The following SCRN3 variants were observed in gnomAD, a reference collection of about 807,000 sequenced individuals.
SCRN3 encodes secernin-3.
A neutral mutation model predicts 43.1 loss-of-function variants in SCRN3; 39 were observed. The observed-to-expected ratio is 0.91, with a 90% confidence interval of 0.70 to 1.18. The LOEUF (loss-of-function observed/expected upper bound fraction) is 1.18, where lower values mean the gene tolerates loss of function less well. Ranked by LOEUF, SCRN3 falls within the 50% of genes most tolerant of loss-of-function variation. The pLI, the probability that SCRN3 is intolerant of heterozygous loss-of-function variation, is 0.00. For synonymous variants in SCRN3, 147 were observed against 163.1 expected (o/e 0.90, Z 0.75); for missense variants, 484 against 498.0 (o/e 0.97, Z 0.27).
Position 174,428,738 on chromosome 2 carries a change from C to T in SCRN3, c.*843C>T, listed in dbSNP as rs573783387. 2 of 152,236 alleles carry T rather than the reference C, an allele frequency of 1.3e-5. No homozygotes were observed. Among genetic ancestry groups the T allele is most frequent in the East Asian group, 3.8e-4 (2 of 5,196 alleles). The allele number at this position is 152,236 out of a possible 1,614,324, so 9.4% of individuals were successfully genotyped here. On this transcript the variant is annotated 3_prime_UTR_variant, in exon 8 of 8. Coordinates refer to ENST00000272732, the MANE Select transcript of SCRN3 (RefSeq NM_024583.5). ...TATGAACATTATAACATTTTGAACA[C>T]TATAATGCATTATATATTATGAACT...
chr2:174,404,156 G>A lies in SCRN3; in HGVS notation c.595G>A (p.Glu199Lys). The part of the protein sequence containing the change: ...QLSITTKIAR[E>K]HPDMRNYAKR... ...TTCCATAACAACCAAGATTGCCCGG[G>A]AACACCCAGACATGAGAAACTATGC... Residue 199 changes from glutamate to lysine, a missense_variant, in exon 5 of 8, where the codon GAA (glutamate) becomes AAA (lysine). Transcript: ENST00000272732. 1 of 1,613,754 alleles carries A rather than the reference G, an allele frequency of 6.2e-7. No individual in the cohort carries two copies. Among genetic ancestry groups the A allele is most frequent in the South Asian group, 1.1e-5 (1 of 91,056 alleles).
intron 5 of SCRN3, among the ~76,000 whole-genome samples, chr2:174,417,230 G>A (rs1686143403): frequency 6.6e-6 from 1 of 151,876 alleles, no homozygotes. Flanking sequence ...CATGGCACAC[G>A]TTTACCCATG....
Position 174,400,102 on chromosome 2 carries a change from A to C in SCRN3, c.340A>C (p.Arg114=). ...AGCACTATTAGGAATGGACCTTGTCAGGTTATTTTTTGTTACATTTTATAC... is the reference window on the plus strand; with the variant it reads ...AGCACTATTAGGAATGGACCTTGTCCGGTTATTTTTTGTTACATTTTATAC... ...EEALLGMDLV[R]LGLERADTAE... is the part of the protein sequence containing the mutation. The change falls in exon 3 of 8, where the codon AGA becomes CGA. Residue 114 remains arginine (R), a splice_region_variant and synonymous_variant. Transcript: ENST00000272732. 1 of 1,556,298 alleles carries C rather than the reference A, an allele frequency of 6.4e-7. No individual in the cohort carries two copies. The highest frequency in any genetic ancestry group is 8.6e-7 in the Non-Finnish European group (1 of 1,158,254).
chr2:174,413,586 C>CTTTTTTTTTTTTTTT (rs10524979), intron 5 of SCRN3, among the ~76,000 whole-genome samples: 1 of 90,226 alleles, frequency 1.1e-5, no homozygotes, highest in Non-Finnish European at 2.2e-5. Context: ...TTTGTCTTTC[C>CTTTTTTTTTTTTTTT]TTTTTTTTTT....
intron 5 of SCRN3, among the ~76,000 whole-genome samples, chr2:174,416,613 C>T (rs1686119675): frequency 6.6e-6 from 1 of 152,144 alleles, no homozygotes. Context: ...GAGGGTGGAG[C>T]ATAGGGTAGG....
At chr2:174,410,735 ACTT>A (rs1334128789) in intron 5 of SCRN3, among the ~76,000 whole-genome samples, 1 of 152,180 alleles carries the variant, frequency 6.6e-6, no homozygotes, top group Non-Finnish European at 1.5e-5. Context: ...TGTATATAGA[ACTT>A]CTGGCCAGAA....
At chr2:174,425,346 C>T (rs779919598) in intron 7 of SCRN3, among the ~76,000 whole-genome samples, 1 of 151,986 alleles carries the variant, frequency 6.6e-6, no homozygotes, top group South Asian at 2.1e-4. Context: ...GGATAAGAAG[C>T]GAATAGAAAG....
At chr2:174,396,828 T>C (rs1284790003) in intron 1 of SCRN3, 1 of 151,672 alleles carries the variant, frequency 6.6e-6, no homozygotes, top group East Asian at 1.9e-4. Flanking sequence ...AATAAGCCTT[T>C]ATGAGAAATT....
At chr2:174,413,544 T>G (rs2105599880) in intron 5 of SCRN3, among the ~76,000 whole-genome samples, 1 of 151,944 alleles carries the variant, frequency 6.6e-6, no homozygotes, top group Non-Finnish European at 1.5e-5. Context: ...GACTCTCTCT[T>G]TTATGGGATT....
intron 7 of SCRN3, among the ~76,000 whole-genome samples, chr2:174,424,861 CATAATA>C (rs772918966): frequency 2.0e-5 from 3 of 152,124 alleles, no homozygotes; most frequent in African/African-American, 7.2e-5. Flanking sequence ...GTACATTAAA[CATAATA>C]ATAATAGCTA....
chr2:174,402,226 C>T (rs1157389154), intron 4 of SCRN3, among the ~76,000 whole-genome samples: 1 of 152,148 alleles, frequency 6.6e-6, no homozygotes, highest in East Asian at 1.9e-4. Flanking sequence ...CAAGAGAGAA[C>T]TGAATAAATA....
Position 174,398,291 on chromosome 2 carries a change from CT to C in SCRN3, c.13del (p.Ser5ProfsTer39). The C allele has an allele frequency of 6.4e-7, 1 of 1,565,962 alleles. No homozygotes were observed. The highest frequency in any genetic ancestry group is 8.6e-7 in the Non-Finnish European group (1 of 1,163,098). On this transcript the variant is annotated frameshift_variant, in exon 2 of 8. Coordinates refer to ENST00000272732, the MANE Select transcript of SCRN3 (RefSeq NM_024583.5). LOFTEE classifies it high-confidence loss of function. ME[P>X]FSCDTFVALP... is the part of the protein sequence containing the mutation. ...AATTTTTAGTTAAAAAAAATGGAAC[CT>C]TTTTCCTGTGACACTTTCGTGGCAT...
At chr2:174,421,379 C>G (rs1222442991) in intron 5 of SCRN3, among the ~76,000 whole-genome samples, 1 of 152,164 alleles carries the variant, frequency 6.6e-6, no homozygotes, top group Non-Finnish European at 1.5e-5. Flanking sequence ...TAAAACTAGA[C>G]AAACATTGTT....
At chr2:174,417,272 C>T (rs13005982) in intron 5 of SCRN3, among the ~76,000 whole-genome samples, 29,604 of 151,640 alleles carry the variant, frequency 0.2, 3,376 homozygotes, top group Middle Eastern at 0.38. Context: ...ACATGTATCC[C>T]GGAACTCAAA....
chr2:174,426,318 A>C (rs866732049), intron 7 of SCRN3, among the ~76,000 whole-genome samples: 1 of 152,176 alleles, frequency 6.6e-6, no homozygotes, highest in Non-Finnish European at 1.5e-5. Context: ...AAAGGTAACA[A>C]ATTATTCCAA....
At chr2:174,422,049 G>C (rs1256532349) in intron 5 of SCRN3, among the ~76,000 whole-genome samples, 1 of 151,960 alleles carries the variant, frequency 6.6e-6, no homozygotes, top group Non-Finnish European at 1.5e-5. Flanking sequence ...AGAATAGATG[G>C]AATATATAGA....
At chr2:174,418,790 GT>G (rs1308932408) in intron 5 of SCRN3, among the ~76,000 whole-genome samples, 1 of 152,138 alleles carries the variant, frequency 6.6e-6, no homozygotes, top group African/African-American at 2.4e-5. Context: ...TGGATGGCAG[GT>G]TTTTGCTTTA....
chr2:174,400,702 A>T (rs1296311654), intron 3 of SCRN3, among the ~76,000 whole-genome samples: 1 of 152,224 alleles, frequency 6.6e-6, no homozygotes, highest in African/African-American at 2.4e-5. Flanking sequence ...CAATAACCTC[A>T]TGGGCTATCG....
At chr2:174,415,365 TA>T (rs1218683298) in intron 5 of SCRN3, among the ~76,000 whole-genome samples, 1 of 152,230 alleles carries the variant, frequency 6.6e-6, no homozygotes, top group Non-Finnish European at 1.5e-5. Flanking sequence ...ACAATTTTAA[TA>T]TTTTTTTTAG....
Sources: gnomAD v4.1 joint callset for allele counts (sites outside exome capture counted in the v4.1 genomes callset) on GRCh38, gnomAD v4.1.1 for gene constraint, MANE v1.5 for transcripts, NCBI Gene and HGNC (gene_info 2026-07-23, HGNC 2026-07-21) for gene names.